ANK2: variants seen among roughly 807,000 people sequenced by gnomAD.
ANK2 encodes ankyrin 2, also known as ankyrin-2.
In ANK2, 83 loss-of-function variants were observed where a neutral mutation model predicts 360.5. The ratio of observed to expected loss-of-function variants is 0.23; its 90% CI spans 0.19 to 0.28. The LOEUF is 0.28. ANK2 is among the 10% of genes least tolerant of loss of function. The probability of loss-of-function intolerance (pLI) is 1.00; values close to 1 mark genes in which losing one functional copy is unlikely to be tolerated. For synonymous variants in ANK2, 1,740 were observed against 1,759.5 expected, an observed-to-expected ratio of 0.99 and a Z score of 0.28; for missense variants, 4,201 against 4,795.7, an observed-to-expected ratio of 0.88 and a Z score of 3.66.
intron 1 of ANK2, among the ~76,000 whole-genome samples, chr4:112,875,810 C>T (rs2074879923): frequency 6.6e-6 from 1 of 151,962 alleles, no homozygotes; most frequent in South Asian, 2.1e-4. Context: ...GTGCTCATAG[C>T]TCACTGCAGC....
chr4:112,924,971 T>C (rs1365980505), intron 2 of ANK2, among the ~76,000 whole-genome samples: 1 of 151,982 alleles, frequency 6.6e-6, no homozygotes, highest in Non-Finnish European at 1.5e-5. Context: ...CCTGAGTAGC[T>C]GGGACTACAG....
At chr4:113,099,269 A>AACT (rs2092353699) in intron 1 of ANK2, among the ~76,000 whole-genome samples, 1 of 151,656 alleles carries the variant, frequency 6.6e-6, no homozygotes, top group African/African-American at 2.4e-5. Flanking sequence ...GGTCAACAAC[A>AACT]ATAACAAAGA....
Position 113,354,995 on chromosome 4 carries a change from T to G in ANK2, c.6377T>G (p.Ile2126Ser). The change falls in exon 38 of 46, where the codon ATC (isoleucine) becomes AGC (serine). Residue 2126 changes from isoleucine (I) to serine (S), a missense_variant. Around this residue, in one of 4 missense-constraint regions of ANK2, gnomAD observed 2,642 missense variants for 2,714.5 expected, o/e 0.97. Coordinates refer to ENST00000357077, the MANE Select transcript of ANK2 (RefSeq NM_001148.6). ...GAGCAGGGAGACATGGATCTACAGA[T>G]CAGCCCAGATAGGAAAACCTCCACT... Reference protein sequence around the residue: ...ADEQGDMDLQISPDRKTSTDF... With the variant: ...ADEQGDMDLQSSPDRKTSTDF... The G allele has an allele frequency of 6.2e-7, 1 of 1,613,780 alleles. No individual in the cohort carries two copies. The highest frequency in any genetic ancestry group is 8.5e-7 in the Non-Finnish European group (1 of 1,179,928).
At chr4:113,308,945 C>T (rs960049879) in intron 23 of ANK2, among the ~76,000 whole-genome samples, 6 of 152,082 alleles carry the variant, frequency 3.9e-5, no homozygotes, top group Admixed American at 3.9e-4. Context: ...TCTTCTCACC[C>T]ACCAAGGGAA....
chr4:113,102,836 A>G (rs1328765601), intron 1 of ANK2, among the ~76,000 whole-genome samples: 1 of 152,038 alleles, frequency 6.6e-6, no homozygotes, highest in Non-Finnish European at 1.5e-5. Context: ...TATTGTTCTC[A>G]CCTTTTGTTC....
intron 1 of ANK2, among the ~76,000 whole-genome samples, chr4:113,144,674 T>C (rs1265869733): frequency 6.7e-6 from 1 of 150,002 alleles, no homozygotes; most frequent in African/African-American, 2.4e-5. Flanking sequence ...ATAAGCTGTA[T>C]GTACATGCAA....
intron 35 of ANK2, chr4:113,347,933 G>A (rs1013361509): frequency 3.7e-6 from 1 of 267,872 alleles, no homozygotes; most frequent in African/African-American, 2.2e-5. Flanking sequence ...ACCAATATCT[G>A]TAATGATTGG....
chr4:113,269,314 C>G (rs573432718), intron 14 of ANK2, among the ~76,000 whole-genome samples: 20 of 152,262 alleles, frequency 1.3e-4, no homozygotes, highest in African/African-American at 4.8e-4. Context: ...CCAGGCGCCA[C>G]GGTGGTATGA....
intron 1 of ANK2, among the ~76,000 whole-genome samples, chr4:113,078,929 A>G (rs2081226798): frequency 6.6e-6 from 1 of 152,224 alleles, no homozygotes; most frequent in Non-Finnish European, 1.5e-5. Context: ...CTAAATCCCA[A>G]AGAGAGAATC....
At chr4:112,874,185 G>A (rs1297396138) in intron 1 of ANK2, among the ~76,000 whole-genome samples, 2 of 148,000 alleles carry the variant, frequency 1.4e-5, no homozygotes, top group South Asian at 2.2e-4. Context: ...GGGTTCAAGC[G>A]ATTCTCCTGC....
At chr4:112,908,889 T>C (rs1018054403) in intron 2 of ANK2, among the ~76,000 whole-genome samples, 3 of 152,214 alleles carry the variant, frequency 2.0e-5, no homozygotes, top group African/African-American at 7.2e-5. Context: ...TTAAGATCTG[T>C]ACCTATGGCA....
chr4:113,106,020 T>C (rs1374460616), intron 1 of ANK2, among the ~76,000 whole-genome samples: 1 of 152,204 alleles, frequency 6.6e-6, no homozygotes, highest in African/African-American at 2.4e-5. Flanking sequence ...TGTCAATTCC[T>C]ATTTTTACTC....
chr4:113,047,470 C>T (rs79211241), upstream of ANK2, among the ~76,000 whole-genome samples: 624 of 152,164 alleles, frequency 4.1e-3, 22 homozygotes, highest in East Asian at 0.089. Context: ...AAATATTTAT[C>T]GAGTAACTGA....
intron 37 of ANK2, among the ~76,000 whole-genome samples, chr4:113,351,077 G>A (rs2095383613): frequency 6.6e-6 from 1 of 152,042 alleles, no homozygotes; most frequent in Admixed American, 6.6e-5. Context: ...TATTTCTAGT[G>A]ACTCTCTGGC....
the ANK2 span, among the ~76,000 whole-genome samples, chr4:112,733,966 G>T: frequency 2.0e-5 from 3 of 152,202 alleles, no homozygotes; most frequent in African/African-American, 4.8e-5. Context: ...GTAGAGACGG[G>T]GTTTCACCAT....
At chr4:112,964,387 T>C (rs561981977) in intron 2 of ANK2, among the ~76,000 whole-genome samples, 34 of 150,686 alleles carry the variant, frequency 2.3e-4, no homozygotes, top group Non-Finnish European at 4.4e-4. Flanking sequence ...TGAGTTCCAC[T>C]GTTTTGATTT....
intron 1 of ANK2, among the ~76,000 whole-genome samples, chr4:113,162,581 C>T (rs916527500): frequency 1.3e-5 from 2 of 152,122 alleles, no homozygotes; most frequent in South Asian, 4.1e-4. Flanking sequence ...TTATCAAACA[C>T]TATATTGCAA....
Position 113,355,280 on chromosome 4 carries a change from G to A in ANK2, c.6662G>A (p.Gly2221Glu), listed in dbSNP as rs185384934. The A allele has an allele frequency of 4.5e-5, 72 of 1,614,024 alleles. No individual in the cohort carries two copies. The Admixed American group carries it at 1.2e-3, about 27-fold the overall frequency. Residue 2221 changes from glycine to glutamate, a missense_variant, in exon 38 of 46, where the codon GGG becomes GAG. Gly to Glu is a moderately conservative substitution (Grantham distance 98). This residue lies in a region of ANK2 where 2,642 missense variants were observed against 2,714.5 expected (regional missense o/e 0.97). Transcript: ENST00000357077. ...AGSPCGSLME[G>E]TPQISSEESY... ...TCTCCGTGTGGCAGCCTGATGGAGGGGACCCCTCAGATTAGTTCAGAAGAA... is the reference window on the plus strand; with the variant it reads ...TCTCCGTGTGGCAGCCTGATGGAGGAGACCCCTCAGATTAGTTCAGAAGAA...
At chr4:113,269,686 C>T (rs951249613) in intron 14 of ANK2, among the ~76,000 whole-genome samples, 11 of 152,180 alleles carry the variant, frequency 7.2e-5, no homozygotes, top group East Asian at 1.9e-4. Flanking sequence ...GTGTTGATCT[C>T]GCTGGGATCT....
Sources: allele counts gnomAD v4.1 joint callset (sites outside exome capture counted in the v4.1 genomes callset), GRCh38; gene constraint gnomAD v4.1.1; regional missense constraint gnomAD v4.1.1; transcripts MANE v1.5; gene names NCBI Gene and HGNC (gene_info 2026-07-23, HGNC 2026-07-21).